Variants in EHD2 observed in about 807,000 individuals in gnomAD.
EHD2 encodes the protein EH domain-containing protein 2.
Under a neutral mutation model 41.0 loss-of-function variants are expected in EHD2, and 27 were observed. That is an observed-to-expected ratio of 0.66 (90% CI 0.49 to 0.91). EHD2 has a LOEUF of 0.91. Ranked by LOEUF, EHD2 falls within the 40% of genes least tolerant of loss-of-function variation. EHD2 has a pLI of 0.00. For synonymous variants in EHD2, 342 were observed against 341.0 expected, an observed-to-expected ratio of 1.00 and a Z score of -0.03; for missense variants, 673 against 773.9, an observed-to-expected ratio of 0.87 and a Z score of 1.55.
In EHD2 at chr19:47,716,791, T is replaced by C; in HGVS notation, c.179T>C (p.Met60Thr). 7 of 1,611,670 alleles carry C rather than the reference T, an allele frequency of 4.3e-6. No homozygotes were observed. Among genetic ancestry groups the C allele is most frequent in the Non-Finnish European group, 5.9e-6 (7 of 1,178,858 alleles). Residue 60 changes from methionine (M) to threonine (T), a missense_variant, in exon 2 of 6, where the codon ATG becomes ACG. Physicochemically the swap from Met to Thr is moderately conservative, Grantham distance 81. Transcript: ENST00000263277. ...GACGCAGACTTCGACGGCAAGCCCA[T>C]GGTGCTGGTGGCCGGCCAGTACAGC... ...LEDADFDGKPMVLVAGQYSTG... is the reference protein window; with the variant it reads ...LEDADFDGKPTVLVAGQYSTG...
At position 47,726,299 on chromosome 19, in the gene EHD2, C is replaced by T. The variant is rs533694622; in HGVS notation, c.915+75C>T. 163 of 1,428,292 alleles carry T rather than the reference C, an allele frequency of 1.1e-4. No individual in the cohort carries two copies. In the African/African-American group the frequency reaches 1.9e-3, roughly 17 times the overall value. 88.5% of individuals were successfully genotyped at this position (1,428,292 alleles called of 1,614,324 possible). ...GTCCTCTCCTACCAGTGCTGTGAGT[C>T]CCTGACTTATCAGGGCCCAGGTTAG... On this transcript the variant is annotated intron_variant, in intron 4 of 5. Transcript: ENST00000263277.
chr19:47,737,058 C>T (rs539702189), intron 5 of EHD2, among the ~76,000 whole-genome samples: 7 of 151,982 alleles, frequency 4.6e-5, no homozygotes, highest in East Asian at 1.9e-4. Context: ...GGTGAAACCC[C>T]GTCTCTACTA....
intron 1 of EHD2, among the ~76,000 whole-genome samples, chr19:47,713,860 T>A (rs747682993): frequency 6.6e-6 from 1 of 151,434 alleles, no homozygotes; most frequent in Non-Finnish European, 1.5e-5. Context: ...CACGCCCTCA[T>A]CCATATCAGC....
intron 3 of EHD2, among the ~76,000 whole-genome samples, chr19:47,724,892 C>T (rs1973732791): frequency 7.4e-6 from 1 of 135,534 alleles, no homozygotes; most frequent in African/African-American, 2.7e-5. Flanking sequence ...AGGAGAATTG[C>T]TTGAACCTGG....
chr19:47,734,823 C>A (rs1038422615), intron 4 of EHD2, among the ~76,000 whole-genome samples: 1 of 152,024 alleles, frequency 6.6e-6, no homozygotes, highest in African/African-American at 2.4e-5. Context: ...GAGGCCGAGG[C>A]GGGTGGATCT....
chr19:47,718,273 CAAA>C (rs58873230), intron 2 of EHD2, among the ~76,000 whole-genome samples: 3 of 91,934 alleles, frequency 3.3e-5, no homozygotes, highest in African/African-American at 4.0e-5. Flanking sequence ...AACTCTGTCT[CAAA>C]AAAAAAAAAA....
chr19:47,728,146 A>G (rs922402446), intron 4 of EHD2, among the ~76,000 whole-genome samples: 1 of 150,924 alleles, frequency 6.6e-6, no homozygotes, highest in African/African-American at 2.4e-5. Context: ...GGCGCTTCAC[A>G]GCACCCGTCT....
rs1346553061 is a variant in EHD2, at chr19:47,716,683, C to A, written c.71C>A (p.Ala24Asp). Residue 24 changes from alanine (A) to aspartate (D), a missense_variant, in exon 2 of 6, where the codon GCC becomes GAC. Coordinates refer to ENST00000263277, the MANE Select transcript of EHD2 (RefSeq NM_014601.4). ...QPEAIRTVTSALKELYRTKLL... is the reference protein window; with the variant it reads ...QPEAIRTVTSDLKELYRTKLL... Reference sequence around the variant, plus strand: ...GAGGCCATCCGCACGGTGACCTCGGCCCTCAAGGAGCTGTACCGCACGAAG... The same window carrying A: ...GAGGCCATCCGCACGGTGACCTCGGACCTCAAGGAGCTGTACCGCACGAAG... 6.2e-7 allele frequency: 1 copy of A among 1,607,172 alleles called. No individual in the cohort carries two copies. The highest frequency in any genetic ancestry group is 8.5e-7 in the Non-Finnish European group (1 of 1,176,848).
intron 3 of EHD2, among the ~76,000 whole-genome samples, chr19:47,720,942 ATG>A (rs1358579256): frequency 6.7e-6 from 1 of 149,652 alleles, no homozygotes; most frequent in Non-Finnish European, 1.5e-5. Context: ...ATGGGAGGTT[ATG>A]TGTGTGCGAC....
At chr19:47,720,215 G>A (rs1177405404) in intron 3 of EHD2, among the ~76,000 whole-genome samples, 1 of 152,068 alleles carries the variant, frequency 6.6e-6, no homozygotes, top group African/African-American at 2.4e-5. Flanking sequence ...CCAGGCTGGA[G>A]TGGAGTGGCG....
intron 4 of EHD2, among the ~76,000 whole-genome samples, chr19:47,735,801 G>A (rs1349369818): frequency 2.6e-5 from 4 of 151,902 alleles, no homozygotes; most frequent in Non-Finnish European, 1.5e-5. Context: ...AACTACTTGG[G>A]AGGCTGAGGC....
chr19:47,714,569 TG>T (rs1309155612), intron 1 of EHD2, among the ~76,000 whole-genome samples: 1 of 152,164 alleles, frequency 6.6e-6, no homozygotes, highest in Non-Finnish European at 1.5e-5. Context: ...AGGTGCTCAT[TG>T]CTCCTGGGTT....
At chr19:47,723,332 C>A (rs1295775827) in intron 3 of EHD2, among the ~76,000 whole-genome samples, 4 of 152,136 alleles carry the variant, frequency 2.6e-5, no homozygotes, top group Non-Finnish European at 5.9e-5. Context: ...TTTAAAAAAA[C>A]AGTTTCATTG....
intron 4 of EHD2, among the ~76,000 whole-genome samples, chr19:47,726,524 TTC>T (rs769496909): frequency 4.0e-4 from 59 of 148,496 alleles, no homozygotes; most frequent in Non-Finnish European, 7.0e-4. Context: ...TTCTTCTTTC[TTC>T]TCTCTTTCCT....
chr19:47,729,821 CTCTT>C, intron 4 of EHD2: 1 of 152,658 alleles, frequency 6.6e-6, no homozygotes, highest in East Asian at 1.9e-4. Context: ...GTCTCTCTCT[CTCTT>C]TTTCTGTCTC....
intron 1 of EHD2, among the ~76,000 whole-genome samples, chr19:47,714,593 C>T (rs1157827670): frequency 6.6e-6 from 1 of 152,098 alleles, no homozygotes; most frequent in East Asian, 1.9e-4. Flanking sequence ...TCATGGCTAA[C>T]CTCCCTAACT....
At chr19:47,731,709 C>G (rs1966879049) in intron 4 of EHD2, among the ~76,000 whole-genome samples, 1 of 152,122 alleles carries the variant, frequency 6.6e-6, no homozygotes, top group South Asian at 2.1e-4. Flanking sequence ...ACACCTCACC[C>G]CACCAGCTCC....
intron 4 of EHD2, among the ~76,000 whole-genome samples, chr19:47,734,111 C>G (rs1966897846): frequency 6.6e-6 from 1 of 152,160 alleles, no homozygotes; most frequent in African/African-American, 2.4e-5. Flanking sequence ...CCTTGGGTGT[C>G]TCCCCAGGCA....
Position 47,719,538 on chromosome 19 carries a change from C to T in EHD2, c.502+932C>T, listed in dbSNP as rs571180081. ...CCCAGCCCCACAGATCTGTGTCCCC[C>T]ACCCCCCATGGCCTTGGAGGCCCAG... On this transcript the variant is annotated intron_variant, in intron 3 of 5. Coordinates refer to ENST00000263277, the MANE Select transcript of EHD2 (RefSeq NM_014601.4). The surrounding 1 kb of genome is among the most constrained non-coding windows in gnomAD (Gnocchi z 4.1). 3.7e-4 allele frequency among the ~76,000 whole-genome samples: 57 copies of T among 152,250 alleles called. No homozygotes were observed. In the Middle Eastern group the frequency reaches 0.01, roughly 27 times the overall value.
Sources: gnomAD v4.1 joint callset for allele counts (sites outside exome capture counted in the v4.1 genomes callset) on GRCh38, gnomAD v4.1.1 for gene constraint, Gnocchi (gnomAD v3.1) non-coding constraint, MANE v1.5 for transcripts, NCBI Gene and HGNC (gene_info 2026-07-23, HGNC 2026-07-21) for gene names.